ATP1B3: variants seen among roughly 807,000 people sequenced by gnomAD.
The protein encoded by ATP1B3 is ATPase Na+/K+ transporting subunit beta 3.
ATP1B3 carries 10 observed loss-of-function variants against 30.2 expected under a neutral mutation model. That is an observed-to-expected ratio of 0.33 (90% confidence interval 0.20 to 0.56). ATP1B3 has a LOEUF of 0.56. Among genes scored for constraint, ATP1B3 ranks in the 20% least tolerant of loss-of-function variants. The pLI is 0.90. For missense variants in ATP1B3, 238 were observed against 336.7 expected (o/e 0.71, Z 2.29); for synonymous variants, 113 against 117.0 (o/e 0.97, Z 0.22).
chr3:141,917,896 TAACTGGG>T (rs1350108693), intron 5 of ATP1B3, among the ~76,000 whole-genome samples: 1 of 151,450 alleles, frequency 6.6e-6, no homozygotes, highest in Admixed American at 6.6e-5. Flanking sequence ...GCCTCCCAAG[TAACTGGG>T]ACTACAGGCG....
intron 3 of ATP1B3, among the ~76,000 whole-genome samples, chr3:141,912,005 A>T (rs919420189): frequency 1.3e-5 from 2 of 152,232 alleles, no homozygotes; most frequent in Non-Finnish European, 1.5e-5. Context: ...GAGTCTATGC[A>T]GTAGAAGCCC....
intron 5 of ATP1B3, among the ~76,000 whole-genome samples, 157 bp downstream of exon 5, chr3:141,916,177 T>TC (rs1414018872): frequency 2.0e-5 from 3 of 152,266 alleles, no homozygotes; most frequent in Non-Finnish European, 4.4e-5. Flanking sequence ...GTCTTTCTCT[T>TC]CCTTAATGAT....
At chr3:141,914,404 G>A (rs1934419485) in intron 4 of ATP1B3, among the ~76,000 whole-genome samples, 1 of 152,188 alleles carries the variant, frequency 6.6e-6, no homozygotes, top group Non-Finnish European at 1.5e-5. Context: ...TTTTACAGAA[G>A]GGTGCCTAAA....
In ATP1B3 at chr3:141,891,456, T is replaced by A. The variant is rs556942856; in HGVS notation, c.110-12164T>A. Among the ~76,000 whole-genome samples, 205 of 152,332 alleles carry A rather than the reference T, an allele frequency of 1.3e-3. 6 individuals carry two copies. In the South Asian group the frequency reaches 0.04, roughly 30 times the overall value. On this transcript the variant is annotated intron_variant, in intron 1 of 6. Transcript: ENST00000286371. ...GTCTTTTACTGGGGTAAACCTCTTT[T>A]TTGTAAAAATTCATGGTTTGAACAT... is the stretch of plus-strand genomic sequence containing the variant.
intron 2 of ATP1B3, among the ~76,000 whole-genome samples, chr3:141,905,470 G>A (rs1009037014): frequency 6.6e-6 from 1 of 152,150 alleles, no homozygotes; most frequent in East Asian, 1.9e-4. Flanking sequence ...CCCTTATCTA[G>A]ATCCTTGCTC....
At chr3:141,911,576 C>T (rs1934361415) in intron 3 of ATP1B3, among the ~76,000 whole-genome samples, 1 of 151,334 alleles carries the variant, frequency 6.6e-6, no homozygotes, top group Non-Finnish European at 1.5e-5. Context: ...CTCACTGCAA[C>T]CACCGCCTCC....
At chr3:141,915,038 A>G (rs1270597994) in intron 4 of ATP1B3, among the ~76,000 whole-genome samples, 1 of 152,244 alleles carries the variant, frequency 6.6e-6, no homozygotes, top group Non-Finnish European at 1.5e-5. Context: ...TTTAACAGAG[A>G]TGCCTTTTGT....
intron 5 of ATP1B3, chr3:141,916,538 C>G: frequency 7.8e-7 from 1 of 1,287,536 alleles, no homozygotes; most frequent in East Asian, 5.6e-5. Flanking sequence ...TCTCTCCATG[C>G]TGCAAATGCC....
At chr3:141,897,989 C>T (rs766435926) in intron 1 of ATP1B3, among the ~76,000 whole-genome samples, 11 of 152,196 alleles carry the variant, frequency 7.2e-5, no homozygotes, top group Non-Finnish European at 1.6e-4. Flanking sequence ...GGATTATAGG[C>T]ATGAGCCACT....
intron 1 of ATP1B3, chr3:141,877,690 G>A (rs1030363205): frequency 6.6e-5 from 10 of 151,960 alleles, no homozygotes; most frequent in African/African-American, 2.2e-4. Context: ...TTCAAAACAG[G>A]AGAGTGATGG....
chr3:141,889,728 CA>C (rs1168549266), intron 1 of ATP1B3, among the ~76,000 whole-genome samples: 4,422 of 48,178 alleles, frequency 0.092, 238 homozygotes, highest in African/African-American at 0.15. Flanking sequence ...GACTCCGTCT[CA>C]AAAAAAAAAA....
intron 5 of ATP1B3, chr3:141,918,839 AT>A (rs533354377): frequency 2.0e-5 from 3 of 152,316 alleles, no homozygotes; most frequent in African/African-American, 7.2e-5. Flanking sequence ...AGATTTAATG[AT>A]TCGGATTTCA....
intron 1 of ATP1B3, among the ~76,000 whole-genome samples, chr3:141,884,868 C>T (rs559694378): frequency 1.3e-5 from 2 of 152,190 alleles, no homozygotes; most frequent in African/African-American, 4.8e-5. Context: ...CTTGTTTTCT[C>T]TTCTTCTTTC....
rs757407021 is a variant in ATP1B3, at chr3:141,876,810, G to A, written c.9G>A (p.Lys3=). 8 of 1,588,656 alleles carry A rather than the reference G, an allele frequency of 5.0e-6. No individual in the cohort carries two copies. In the Admixed American group the frequency reaches 8.5e-5, roughly 17 times the overall value. The change falls in exon 1 of 7, where the codon AAG becomes AAA. Residue 3 remains lysine (K), a synonymous_variant. Coordinates refer to ENST00000286371, the MANE Select transcript of ATP1B3 (RefSeq NM_001679.4). Reference sequence around the variant, plus strand: ...CCGTCCGCGCGCACACCATGACGAAGAACGAGAAGAAGTCCCTCAACCAGA... The same window carrying A: ...CCGTCCGCGCGCACACCATGACGAAAAACGAGAAGAAGTCCCTCAACCAGA... MT[K]NEKKSLNQSL...
At chr3:141,919,890 G>A (rs1415235529) in intron 5 of ATP1B3, among the ~76,000 whole-genome samples, 2 of 152,084 alleles carry the variant, frequency 1.3e-5, no homozygotes, top group African/African-American at 2.4e-5. Context: ...AGTGAGCCAT[G>A]ATCGCGCCAC....
At chr3:141,893,399 A>C (rs1323150709) in intron 1 of ATP1B3, among the ~76,000 whole-genome samples, 2 of 152,208 alleles carry the variant, frequency 1.3e-5, no homozygotes, top group Non-Finnish European at 2.9e-5. Context: ...ATCTAGACAC[A>C]AGCTTGTTAT....
At chr3:141,900,835 T>C (rs547632489) in intron 1 of ATP1B3, among the ~76,000 whole-genome samples, 1 of 152,238 alleles carries the variant, frequency 6.6e-6, no homozygotes, top group South Asian at 2.1e-4. Flanking sequence ...CAGGTCGGAG[T>C]GCAGTGGCAC....
At chr3:141,884,904 A>G (rs1438449547) in intron 1 of ATP1B3, among the ~76,000 whole-genome samples, 2 of 152,192 alleles carry the variant, frequency 1.3e-5, no homozygotes, top group East Asian at 3.8e-4. Context: ...AACAACTGCA[A>G]AGATCATTAC....
intron 1 of ATP1B3, among the ~76,000 whole-genome samples, chr3:141,887,265 G>C (rs1933853071): frequency 6.6e-6 from 1 of 152,212 alleles, no homozygotes; most frequent in Non-Finnish European, 1.5e-5. Flanking sequence ...TTAGAAGTTA[G>C]AGTTGGTGAG....
Sources: allele counts gnomAD v4.1 joint callset (sites outside exome capture counted in the v4.1 genomes callset), GRCh38; gene constraint gnomAD v4.1.1; transcripts MANE v1.5; gene names NCBI Gene and HGNC (gene_info 2026-07-23, HGNC 2026-07-21).